Variants in CDK6 observed in about 807,000 individuals in gnomAD.
The protein encoded by CDK6 is cyclin-dependent kinase 6.
In CDK6, 6 loss-of-function variants were observed where a neutral mutation model predicts 37.1. The ratio of observed to expected loss-of-function variants is 0.16; its 90% confidence interval spans 0.09 to 0.32. CDK6 has a LOEUF of 0.32. Ranked by LOEUF, CDK6 falls within the 10% of genes least tolerant of loss-of-function variation. CDK6 has a pLI of 1.00. For missense variants in CDK6, 224 were observed against 418.9 expected (o/e 0.53, Z 4.06); for synonymous variants, 160 against 161.3 (o/e 0.99, Z 0.06).
Position 92,672,166 on chromosome 7 carries a change from T to TAC in CDK6, c.538-633_538-632dup, listed in dbSNP as rs1434883987. On this transcript the variant is annotated intron_variant, in intron 4 of 7. Transcript: ENST00000424848. ...ATATATATATATATATATATACACA[T>TAC]ACACACACACACACACAGACACATA... Among the ~76,000 whole-genome samples, 220 of 38,626 alleles carry TAC rather than the reference T, an allele frequency of 5.7e-3. 1 individual carries two copies. Among genetic ancestry groups the TAC allele is most frequent in the African/African-American group, 7.1e-3 (61 of 8,624 alleles). 25.3% of individuals were successfully genotyped at this position (38,626 alleles called of 152,430 possible). A position where few individuals can be genotyped will look rare whatever the true frequency, so the allele number is the denominator to read the frequency against.
intron 5 of CDK6, among the ~76,000 whole-genome samples, chr7:92,643,788 G>C (rs1250894307): frequency 6.6e-6 from 1 of 152,098 alleles, no homozygotes; most frequent in Admixed American, 6.5e-5. Context: ...TGATATAAAT[G>C]GGACACTTAC....
At chr7:92,753,702 G>A (rs140055222) in intron 3 of CDK6, among the ~76,000 whole-genome samples, 24 of 152,252 alleles carry the variant, frequency 1.6e-4, no homozygotes, top group African/African-American at 5.8e-4. Context: ...TGCTCTAAGA[G>A]GGCCAACTAA....
At position 92,607,966 on chromosome 7, in the gene CDK6, CTG is replaced by C. The variant is rs1263087115; in HGVS notation, c.*7172_*7173del. 1.7e-5 allele frequency: 4 copies of C among 233,246 alleles called. No homozygotes were observed. The highest frequency in any genetic ancestry group is 6.1e-5 in the East Asian group (1 of 16,486). The allele number at this position is 233,246 out of a possible 1,614,324, so 14.4% of individuals were successfully genotyped here. On this transcript the variant is annotated 3_prime_UTR_variant, in exon 8 of 8. Coordinates refer to ENST00000424848, the MANE Select transcript of CDK6 (RefSeq NM_001145306.2). ...TTATTATTCAGACTTTAAGATCAAA[CTG>C]AGAGTTGTTGGTGATCACAGAAATA...
intron 5 of CDK6, among the ~76,000 whole-genome samples, chr7:92,625,467 C>T (rs1218051636): frequency 2.0e-5 from 3 of 151,498 alleles, no homozygotes; most frequent in Admixed American, 1.3e-4. Flanking sequence ...AGGATGAATG[C>T]CACATTTTTC....
At chr7:92,696,155 G>A (rs2116651135) in intron 4 of CDK6, among the ~76,000 whole-genome samples, 2 of 152,338 alleles carry the variant, frequency 1.3e-5, no homozygotes, top group Middle Eastern at 6.8e-3. Flanking sequence ...CAGGGGAGAA[G>A]GAAGCATCCA....
intron 3 of CDK6, among the ~76,000 whole-genome samples, chr7:92,773,011 A>AT (rs1411009474): frequency 6.6e-6 from 1 of 152,210 alleles, no homozygotes; most frequent in Non-Finnish European, 1.5e-5. Flanking sequence ...AATGTCAATG[A>AT]TTTTTTGATA....
chr7:92,785,682 T>A (rs1392147225), intron 2 of CDK6, among the ~76,000 whole-genome samples: 5 of 152,192 alleles, frequency 3.3e-5, no homozygotes, highest in Admixed American at 1.3e-4. Context: ...AATCTGATTT[T>A]CTAACCACTC....
chr7:92,820,585 T>C (rs926497012), intron 2 of CDK6, among the ~76,000 whole-genome samples: 2 of 152,092 alleles, frequency 1.3e-5, no homozygotes, highest in Non-Finnish European at 2.9e-5. Flanking sequence ...AAATGGAGAA[T>C]CAAGAGATAC....
chr7:92,810,137 ATG>A (rs1271623303), intron 2 of CDK6, among the ~76,000 whole-genome samples: 11 of 152,278 alleles, frequency 7.2e-5, no homozygotes, highest in African/African-American at 2.4e-4. Flanking sequence ...ATGCGTGTGT[ATG>A]TGTGTGTATA....
At chr7:92,624,301 G>C (rs1004110513) in intron 5 of CDK6, among the ~76,000 whole-genome samples, 1 of 152,118 alleles carries the variant, frequency 6.6e-6, no homozygotes, top group Non-Finnish European at 1.5e-5. Flanking sequence ...TTTGGAGATA[G>C]AGCCTTTAAA....
intron 2 of CDK6, among the ~76,000 whole-genome samples, chr7:92,785,463 G>C (rs1800105319): frequency 6.6e-6 from 1 of 152,122 alleles, no homozygotes; most frequent in Non-Finnish European, 1.5e-5. Context: ...CCTAAATTTA[G>C]ATCATGGTGA....
chr7:92,646,385 TTTTTTCTTTTTC>T (rs1203926186), intron 5 of CDK6, among the ~76,000 whole-genome samples: 57 of 151,142 alleles, frequency 3.8e-4, no homozygotes, highest in Middle Eastern at 3.4e-3. Context: ...GTAGGTTTTC[TTTTTTCTTTTTC>T]TTTTTCTTTT....
chr7:92,702,421 C>T (rs759332290), intron 4 of CDK6, among the ~76,000 whole-genome samples: 10 of 151,424 alleles, frequency 6.6e-5, no homozygotes, highest in South Asian at 6.3e-4. Flanking sequence ...TTGGTAAAGA[C>T]GGGATTTCGC....
intron 3 of CDK6, among the ~76,000 whole-genome samples, chr7:92,764,157 G>A (rs1328212293): frequency 6.9e-6 from 1 of 145,640 alleles, no homozygotes; most frequent in Admixed American, 6.7e-5. Flanking sequence ...TTTTTTTTGA[G>A]GCAAGGTCTT....
At chr7:92,785,096 G>A (rs1044222560) in intron 2 of CDK6, among the ~76,000 whole-genome samples, 14 of 152,042 alleles carry the variant, frequency 9.2e-5, no homozygotes, top group Admixed American at 7.9e-4. Context: ...TATTCACTGC[G>A]GCATCATTCG....
Position 92,620,919 on chromosome 7 carries a change from AT to A in CDK6, c.698+2116del, listed in dbSNP as rs561211447. 4.3e-3 allele frequency among the ~76,000 whole-genome samples: 655 copies of A among 152,340 alleles called. 4 individuals carry two copies. Among genetic ancestry groups the A allele is most frequent in the Admixed American group, 9.9e-3 (151 of 15,302 alleles). ...CAAGACCTTGTCTCCAAAGAAAAAA[AT>A]AAAAAAGAGTATGTGAATATGGCTT... On this transcript the variant is annotated intron_variant, in intron 6 of 7. Coordinates refer to ENST00000424848, the MANE Select transcript of CDK6 (RefSeq NM_001145306.2).
intron 3 of CDK6, among the ~76,000 whole-genome samples, chr7:92,742,749 A>T (rs1798956277): frequency 6.6e-6 from 1 of 151,960 alleles, no homozygotes. Flanking sequence ...ATATACACAC[A>T]CACACACACA....
intron 4 of CDK6, among the ~76,000 whole-genome samples, chr7:92,719,493 T>C (rs1037872598): frequency 6.6e-6 from 1 of 152,234 alleles, no homozygotes; most frequent in Non-Finnish European, 1.5e-5. Flanking sequence ...TTTCAGAACA[T>C]GTATATCTTT....
rs377752690 is a variant in CDK6 at position 92,678,351 on chromosome 7, C to A, written c.538-6816G>T. ...TGATTGGAGCCAGCTGGAACCAAAG[C>A]AAATACCATGTTTATTACAATCATT... On this transcript the variant is annotated intron_variant, in intron 4 of 7. Transcript: ENST00000424848. Among the ~76,000 whole-genome samples the A allele has an allele frequency of 1.1e-3, 171 of 151,752 alleles. 1 individual carries two copies. The highest frequency in any genetic ancestry group is 4.1e-3 in the African/African-American group (168 of 41,340).
Sources: allele counts gnomAD v4.1 joint callset (sites outside exome capture counted in the v4.1 genomes callset), GRCh38; gene constraint gnomAD v4.1.1; transcripts MANE v1.5; gene names NCBI Gene and HGNC (gene_info 2026-07-23, HGNC 2026-07-21).